UNC79: variants seen among roughly 807,000 people sequenced by gnomAD.
UNC79 encodes the protein protein unc-79 homolog.
UNC79 carries 37 observed loss-of-function variants against 283.1 expected under a neutral mutation model. The observed-to-expected ratio is 0.13, with a 90% confidence interval of 0.10 to 0.17. The LOEUF (loss-of-function observed/expected upper bound fraction) is 0.17. Among genes scored for constraint, UNC79 ranks in the 10% least tolerant of loss-of-function variants. UNC79 has a pLI of 1.00. For synonymous variants in UNC79, 1,107 were observed against 1,200.2 expected (o/e 0.92, Z 1.61); for missense variants, 2,272 against 3,211.1 (o/e 0.71, Z 7.07).
At chr14:93,516,154 A>G (rs1216399020) in intron 7 of UNC79, among the ~76,000 whole-genome samples, 1 of 151,980 alleles carries the variant, frequency 6.6e-6, no homozygotes, top group African/African-American at 2.4e-5. Flanking sequence ...CCATATATGT[A>G]TGTGTCTATT....
At chr14:93,642,479 T>C (rs2069146405) in intron 33 of UNC79, among the ~76,000 whole-genome samples, 1 of 147,856 alleles carries the variant, frequency 6.8e-6, no homozygotes, top group African/African-American at 2.5e-5. Context: ...CTGATGTGAG[T>C]ATCCCTGTAG....
chr14:93,503,742 G>A (rs2140735614), intron 7 of UNC79, among the ~76,000 whole-genome samples: 1 of 151,580 alleles, frequency 6.6e-6, no homozygotes, highest in Admixed American at 6.6e-5. Flanking sequence ...CAAATATCTT[G>A]TTTTTTTATT....
intron 22 of UNC79, among the ~76,000 whole-genome samples, chr14:93,589,322 C>T (rs146638883): frequency 0.013 from 2,017 of 152,090 alleles, 18 homozygotes; most frequent in Middle Eastern, 0.027. Flanking sequence ...AGTGATGAAA[C>T]GGTTGTCTCT....
chr14:93,668,498 C>T (rs946848720), intron 40 of UNC79, among the ~76,000 whole-genome samples: 4 of 151,960 alleles, frequency 2.6e-5, no homozygotes, highest in African/African-American at 7.3e-5. Flanking sequence ...ATCGCTTGAG[C>T]CCAGGAGCCT....
At position 93,347,926 on chromosome 14, in the gene UNC79, G is replaced by C. The variant is rs963019233; in HGVS notation, c.-351+14403G>C. 2.5e-5 allele frequency: 18 copies of C among 706,116 alleles called. No homozygotes were observed. The Admixed American group carries it at 2.9e-4, about 11-fold the overall frequency. The allele number at this position is 706,116 out of a possible 1,614,324, so 43.7% of individuals were successfully genotyped here. A position where few individuals can be genotyped will look rare whatever the true frequency, so the allele number is the denominator to read the frequency against. ...ACTAGGCGCCTGTTTCTAGGACAAC[G>C]GTCTAGGTGCTCAAAATGTTTTTTT... On this transcript the variant is annotated intron_variant, in intron 1 of 49. Coordinates refer to the UNC79 transcript ENST00000256339.
chr14:93,417,261 T>C (rs1332479627), intron 1 of UNC79, among the ~76,000 whole-genome samples: 2 of 151,924 alleles, frequency 1.3e-5, no homozygotes, highest in South Asian at 2.1e-4. Context: ...TAAAGTATTT[T>C]ATTTCTCCTT....
intron 5 of UNC79, among the ~76,000 whole-genome samples, chr14:93,488,531 AAAT>A (rs1224883159): frequency 6.6e-6 from 1 of 152,102 alleles, no homozygotes; most frequent in African/African-American, 2.4e-5. Flanking sequence ...ATTACTTAAT[AAAT>A]AGTAATTGAA....
chr14:93,638,361 G>A (rs575636203), intron 32 of UNC79, among the ~76,000 whole-genome samples: 1 of 152,188 alleles, frequency 6.6e-6, no homozygotes, highest in Non-Finnish European at 1.5e-5. Flanking sequence ...GCTTTGATGA[G>A]TAGAAGTAAG....
At chr14:93,665,299 A>G (rs2072066512) in intron 40 of UNC79, among the ~76,000 whole-genome samples, 1 of 151,576 alleles carries the variant, frequency 6.6e-6, no homozygotes, top group South Asian at 2.1e-4. Context: ...CACTGATATA[A>G]AAAACTTAAT....
exon 16 of UNC79, chr14:93,572,782 C>T (rs992678203): frequency 6.2e-7 from 1 of 1,614,132 alleles, no homozygotes; most frequent in Non-Finnish European, 8.5e-7. Context: ...GGATACCCCT[C>T]CTCTGTGCAG....
At chr14:93,551,212 G>C (rs530398614) in intron 14 of UNC79, among the ~76,000 whole-genome samples, 1 of 152,188 alleles carries the variant, frequency 6.6e-6, no homozygotes, top group South Asian at 2.1e-4. Flanking sequence ...ACTAAGCCCG[G>C]CTAATCTTCT....
Position 93,379,005 on chromosome 14 carries a change from G to A in UNC79, c.-351+45482G>A, listed in dbSNP as rs551558022. Reference sequence around the variant, plus strand: ...CAACTTTAGACAGAGCTGGCACTATGAGAAAGTAGCAAAGTCTGGATCAGG... The same window carrying A: ...CAACTTTAGACAGAGCTGGCACTATAAGAAAGTAGCAAAGTCTGGATCAGG... On this transcript the variant is annotated intron_variant, in intron 1 of 49. Transcript: ENST00000256339. Among the ~76,000 whole-genome samples, 743 of 152,292 alleles carry A rather than the reference G, an allele frequency of 4.9e-3. 3 individuals carry two copies. Among genetic ancestry groups the A allele is most frequent in the African/African-American group, 0.017 (698 of 41,556 alleles).
chr14:93,544,587 C>T (rs1439627107), intron 14 of UNC79, among the ~76,000 whole-genome samples: 1 of 152,232 alleles, frequency 6.6e-6, no homozygotes, highest in South Asian at 2.1e-4. Context: ...GATAACATTT[C>T]CCTCATCTGA....
chr14:93,637,439 G>A, intron 32 of UNC79, 140 bp downstream of exon 35: 1 of 1,410,872 alleles, frequency 7.1e-7, no homozygotes. Context: ...ACCCCCAGTG[G>A]CTGAGAGTGC....
chr14:93,352,757 C>T (rs1460409975), intron 1 of UNC79, among the ~76,000 whole-genome samples: 4 of 152,122 alleles, frequency 2.6e-5, no homozygotes, highest in Non-Finnish European at 5.9e-5. Flanking sequence ...TTTAAAAACA[C>T]CTTATTTAAT....
chr14:93,575,920 C>T (rs1389946430), intron 17 of UNC79, among the ~76,000 whole-genome samples: 1 of 152,206 alleles, frequency 6.6e-6, no homozygotes, highest in Non-Finnish European at 1.5e-5. Flanking sequence ...AGCCATCCCA[C>T]CTGACATCTA....
chr14:93,611,289 T>C (rs543681344), intron 26 of UNC79, among the ~76,000 whole-genome samples: 34 of 151,548 alleles, frequency 2.2e-4, no homozygotes, highest in African/African-American at 7.7e-4. Flanking sequence ...GGAATCATAC[T>C]AAAGTGTGTC....
At position 93,474,274 on chromosome 14, in the gene UNC79, G is replaced by A. The variant is rs758885365; in HGVS notation, c.329G>A (p.Arg110His). 5 of 1,535,982 alleles carry A rather than the reference G, an allele frequency of 3.3e-6. No individual in the cohort carries two copies. Among genetic ancestry groups the A allele is most frequent in the African/African-American group, 1.4e-5 (1 of 73,106 alleles). Residue 110 changes from arginine (R) to histidine (H), a missense_variant, in exon 3 of 49, where the codon CGC becomes CAC. Around this residue, in one of 11 missense-constraint regions of UNC79, gnomAD observed 194 missense variants for 268.9 expected, o/e 0.72. Coordinates refer to ENST00000555664, the Ensembl canonical transcript of UNC79. This position sits in a 1 kb window ranked among gnomAD's most constrained non-coding sequence, Gnocchi z 4.1. ...GTCCTGCGAGATGCTCCCTCAGAAC[G>A]CGGCCCGCAAAGTCGTGATGCTCAG... is the stretch of plus-strand genomic sequence containing the variant.
chr14:93,496,208 C>G (rs540490604), intron 5 of UNC79, among the ~76,000 whole-genome samples: 3 of 152,094 alleles, frequency 2.0e-5, no homozygotes, highest in African/African-American at 7.2e-5. Flanking sequence ...TGAAATACTT[C>G]TCAAGGACCT....
Sources: gnomAD v4.1 joint callset for allele counts (sites outside exome capture counted in the v4.1 genomes callset) on GRCh38, gnomAD v4.1.1 for gene constraint, gnomAD v4.1.1 regional missense constraint, Gnocchi (gnomAD v3.1) non-coding constraint, MANE v1.5 for transcripts, NCBI Gene and HGNC (gene_info 2026-07-23, HGNC 2026-07-21) for gene names.